The following MARCHF4 variants were observed in gnomAD, a reference collection of about 807,000 sequenced individuals.
The protein encoded by MARCHF4 is membrane associated ring-CH-type finger 4, also known as E3 ubiquitin-protein ligase MARCHF4.
Under a neutral mutation model 43.9 loss-of-function variants are expected in MARCHF4, and 14 were observed. The ratio of observed to expected loss-of-function variants is 0.32; its 90% CI spans 0.21 to 0.50. The LOEUF is 0.50. Ranked by LOEUF, MARCHF4 falls within the 20% of genes least tolerant of loss-of-function variation. The pLI is 0.98. For missense variants in MARCHF4, 468 were observed against 536.7 expected, an observed-to-expected ratio of 0.87 and a Z score of 1.27; for synonymous variants, 226 against 213.3, an observed-to-expected ratio of 1.06 and a Z score of -0.52.
At position 216,315,468 on chromosome 2, in the gene MARCHF4, T is replaced by G. The variant is rs976618993; in HGVS notation, c.517-31739A>C. Among the ~76,000 whole-genome samples, 4 of 152,278 alleles carry G rather than the reference T, an allele frequency of 2.6e-5. No individual in the cohort carries two copies. The East Asian group carries it at 7.7e-4, about 29-fold the overall frequency. On this transcript the variant is annotated intron_variant, in intron 1 of 3. Coordinates refer to ENST00000273067, the MANE Select transcript of MARCHF4 (RefSeq NM_020814.3). ...TCAGTTCTGCAGAAAAATTTAACTA[T>G]CAGGATGTTCATTATACTATATTCT...
At chr2:216,315,526 G>A (rs1192796828) in intron 1 of MARCHF4, among the ~76,000 whole-genome samples, 1 of 152,118 alleles carries the variant, frequency 6.6e-6, no homozygotes, top group Non-Finnish European at 1.5e-5. Flanking sequence ...AACCTCAGGA[G>A]ACTATATTCA....
At chr2:216,293,981 T>TGTAAAAAAAAAAAA (rs1171951717) in intron 1 of MARCHF4, among the ~76,000 whole-genome samples, 5,542 of 97,550 alleles carry the variant, frequency 0.057, 878 homozygotes, top group Non-Finnish European at 0.1. Flanking sequence ...ATCATTACCA[T>TGTAAAAAAAAAAAA]CACCATTGTT....
intron 1 of MARCHF4, among the ~76,000 whole-genome samples, chr2:216,368,213 G>A (rs186751559): frequency 6.6e-6 from 1 of 152,286 alleles, no homozygotes; most frequent in Admixed American, 6.5e-5. Context: ...AGAGTATGAA[G>A]TACTTGATGG....
intron 3 of MARCHF4, among the ~76,000 whole-genome samples, chr2:216,269,815 C>A (rs1041824825): frequency 1.7e-4 from 26 of 152,182 alleles, no homozygotes; most frequent in African/African-American, 6.0e-4. Flanking sequence ...GAGCCCTGGG[C>A]CATTCTGTAG....
chr2:216,307,950 G>A (rs888398391), intron 1 of MARCHF4, among the ~76,000 whole-genome samples: 7 of 152,166 alleles, frequency 4.6e-5, no homozygotes, highest in Admixed American at 3.3e-4. Flanking sequence ...CAGCTGTCCA[G>A]AAGGCTGACA....
chr2:216,344,621 G>A (rs956438871), intron 1 of MARCHF4, among the ~76,000 whole-genome samples: 1 of 152,092 alleles, frequency 6.6e-6, no homozygotes, highest in Non-Finnish European at 1.5e-5. Flanking sequence ...TTACAATGAG[G>A]GCATCAGGGA....
intron 1 of MARCHF4, among the ~76,000 whole-genome samples, chr2:216,354,122 G>C (rs915535421): frequency 6.6e-6 from 1 of 152,096 alleles, no homozygotes. Flanking sequence ...CCACAGAAAG[G>C]CTGGGCTTAA....
chr2:216,336,362 A>G (rs902579518), intron 1 of MARCHF4, among the ~76,000 whole-genome samples: 1 of 152,224 alleles, frequency 6.6e-6, no homozygotes, highest in Non-Finnish European at 1.5e-5. Context: ...CATCATTTCA[A>G]CAAACTGAGT....
chr2:216,263,583 A>G (rs1690789452), intron 3 of MARCHF4, among the ~76,000 whole-genome samples: 2 of 152,064 alleles, frequency 1.3e-5, no homozygotes, highest in East Asian at 3.9e-4. Flanking sequence ...AAAGAGAAAG[A>G]AAGAGAGAAG....
chr2:216,276,218 A>G (rs60529541), intron 3 of MARCHF4, among the ~76,000 whole-genome samples: 8,151 of 152,288 alleles, frequency 0.054, 924 homozygotes, highest in East Asian at 0.46. Flanking sequence ...GGGCCCCTCC[A>G]CTGTTTCCCC....
At chr2:216,331,930 A>G (rs1692086221) in intron 1 of MARCHF4, among the ~76,000 whole-genome samples, 1 of 152,230 alleles carries the variant, frequency 6.6e-6, no homozygotes, top group Non-Finnish European at 1.5e-5. Flanking sequence ...AGCACACATC[A>G]CGATTTCTAT....
chr2:216,334,472 C>T (rs1692128304), intron 1 of MARCHF4, among the ~76,000 whole-genome samples: 1 of 152,038 alleles, frequency 6.6e-6, no homozygotes. Flanking sequence ...ATAATCACAG[C>T]TCACTGTAGC....
At chr2:216,283,800 G>A (rs568244169) in intron 1 of MARCHF4, 71 bp from the exon 2 acceptor site, 1 of 1,451,364 alleles carries the variant, frequency 6.9e-7, no homozygotes, top group East Asian at 2.4e-5. Context: ...TGGGCGGGAG[G>A]GTGGCAGCTG....
chr2:216,331,232 T>C (rs1026838383), intron 1 of MARCHF4, among the ~76,000 whole-genome samples: 8 of 152,078 alleles, frequency 5.3e-5, no homozygotes, highest in African/African-American at 1.4e-4. Flanking sequence ...TACATATCCT[T>C]ATGCCAAACA....
In MARCHF4 at chr2:216,369,959, G is replaced by T; in HGVS notation, c.302C>A (p.Pro101His). Residue 101 changes from proline to histidine, a missense_variant, in exon 1 of 4, where the codon CCC becomes CAC. Coordinates refer to ENST00000273067, the MANE Select transcript of MARCHF4 (RefSeq NM_020814.3). ...RGPREVVGRE[P>H]PPVPPPPPLP... ...GGGGGGTGGAGGTGGCACAGGAGGGGGCTCCCTGCCCACCACTTCTCGGGG... is the reference window on the plus strand; with the variant it reads ...GGGGGGTGGAGGTGGCACAGGAGGGTGCTCCCTGCCCACCACTTCTCGGGG... The T allele has an allele frequency of 3.2e-6, 5 of 1,578,844 alleles. No individual in the cohort carries two copies. The highest frequency in any genetic ancestry group is 4.3e-6 in the Non-Finnish European group (5 of 1,160,474).
intron 3 of MARCHF4, among the ~76,000 whole-genome samples, chr2:216,267,735 A>G (rs1471318313): frequency 6.6e-6 from 1 of 152,300 alleles, no homozygotes; most frequent in East Asian, 1.9e-4. Flanking sequence ...AATTGGGGCT[A>G]TTTCTAGTCA....
intron 1 of MARCHF4, among the ~76,000 whole-genome samples, chr2:216,293,360 T>C (rs887200680): frequency 6.6e-6 from 1 of 151,894 alleles, no homozygotes; most frequent in Non-Finnish European, 1.5e-5. Context: ...ATAATTTGAT[T>C]AAAAAAAGAA....
chr2:216,316,537 TC>T (rs1691779751), intron 1 of MARCHF4, among the ~76,000 whole-genome samples: 1 of 151,958 alleles, frequency 6.6e-6, no homozygotes, highest in Non-Finnish European at 1.5e-5. Flanking sequence ...ATGAAATAGG[TC>T]CACAGTCCTG....
At chr2:216,298,423 G>A (rs1037662923) in intron 1 of MARCHF4, among the ~76,000 whole-genome samples, 3 of 151,862 alleles carry the variant, frequency 2.0e-5, no homozygotes, top group East Asian at 1.9e-4. Context: ...GTGCCACCAC[G>A]CTCAGCTCAT....
Sources: gnomAD v4.1 joint callset for allele counts (sites outside exome capture counted in the v4.1 genomes callset) on GRCh38, gnomAD v4.1.1 for gene constraint, MANE v1.5 for transcripts, NCBI Gene and HGNC (gene_info 2026-07-23, HGNC 2026-07-21) for gene names.